SPAG16: variants seen among roughly 807,000 people sequenced by gnomAD.
SPAG16 encodes sperm-associated antigen 16 protein.
A neutral mutation model predicts 80.4 loss-of-function variants in SPAG16; 86 were observed. That is an observed-to-expected ratio of 1.07 (90% CI 0.90 to 1.28). The LOEUF (loss-of-function observed/expected upper bound fraction) is 1.28, where lower values mean the gene tolerates loss of function less well. SPAG16 is among the 50% of genes most tolerant of loss of function. The pLI, the probability that SPAG16 is intolerant of heterozygous loss-of-function variation, is 0.00. For missense variants in SPAG16, 870 were observed against 765.3 expected (o/e 1.14, Z -1.61); for synonymous variants, 294 against 265.9 (o/e 1.11, Z -1.03).
chr2:213,296,030 AT>A, intron 1 of SPAG16, 33 bp from the exon 2 acceptor site: 4 of 1,586,652 alleles, frequency 2.5e-6, no homozygotes, highest in Non-Finnish European at 3.5e-6. Flanking sequence ...TTTATTCTAT[AT>A]TTTTTGAGAT....
Position 214,085,884 on chromosome 2 carries a change from C to T in SPAG16, c.1528-22312C>T, listed in dbSNP as rs181382271. On this transcript the variant is annotated intron_variant, in intron 13 of 15. Transcript: ENST00000331683. ...ACAGCACTTTTGCGTGATATTTATA[C>T]GTGGCAGAAGCTTTTCCTCCCCTAC... Among the ~76,000 whole-genome samples, 397 of 152,302 alleles carry T rather than the reference C, an allele frequency of 2.6e-3. 2 individuals are homozygous for T. Among genetic ancestry groups the T allele is most frequent in the Non-Finnish European group, 4.0e-3 (274 of 68,026 alleles).
At chr2:214,149,075 G>GTGTGTA (rs1559084749) in intron 14 of SPAG16, 65 bp from the exon 15 acceptor site, 2 of 301,580 alleles carry the variant, frequency 6.6e-6, no homozygotes, top group Non-Finnish European at 8.8e-6. Flanking sequence ...GTGTGTGTGT[G>GTGTGTA]TGTATATATA....
At chr2:213,884,892 A>C (rs1482048181) in intron 11 of SPAG16, among the ~76,000 whole-genome samples, 5 of 152,114 alleles carry the variant, frequency 3.3e-5, no homozygotes, top group African/African-American at 9.7e-5. Context: ...TTCTTGGATC[A>C]TTTTACTGGA....
chr2:213,565,774 C>A (rs2059740190), intron 10 of SPAG16, among the ~76,000 whole-genome samples: 1 of 152,170 alleles, frequency 6.6e-6, no homozygotes, highest in Admixed American at 6.5e-5. Context: ...GGATGGAAGA[C>A]CAGTTTTGAA....
At chr2:214,182,508 T>C (rs549535947) in intron 15 of SPAG16, among the ~76,000 whole-genome samples, 153 of 152,048 alleles carry the variant, frequency 1.0e-3, no homozygotes, top group African/African-American at 3.5e-3. Flanking sequence ...TACAAGATTA[T>C]AGACATGTAC....
rs191047018 is a variant in SPAG16 at position 214,302,583 on chromosome 2, C to T, written c.1721-107557C>T. ...ACAACCTCTGCCTCCTGGGTTCAAG[C>T]GATTCTCCTGCCTCAGCCTCCTGAG... On this transcript the variant is annotated intron_variant, in intron 15 of 15. Coordinates refer to ENST00000331683, the MANE Select transcript of SPAG16 (RefSeq NM_024532.5). Among the ~76,000 whole-genome samples the T allele has an allele frequency of 2.1e-3, 313 of 152,224 alleles. 1 individual carries two copies. Among genetic ancestry groups the T allele is most frequent in the African/African-American group, 7.1e-3 (295 of 41,540 alleles).
chr2:214,298,115 C>T (rs12992734), intron 15 of SPAG16, among the ~76,000 whole-genome samples: 15 of 46,948 alleles, frequency 3.2e-4, no homozygotes, highest in African/African-American at 3.8e-4. Context: ...TATATATATA[C>T]ACACACACAC....
chr2:214,234,338 G>T (rs775572775), intron 15 of SPAG16, among the ~76,000 whole-genome samples: 1 of 152,094 alleles, frequency 6.6e-6, no homozygotes, highest in Non-Finnish European at 1.5e-5. Flanking sequence ...GAATAGTGCT[G>T]CAATGAACAT....
intron 5 of SPAG16, among the ~76,000 whole-genome samples, chr2:213,324,482 T>TCA (rs2063760821): frequency 1.3e-5 from 2 of 152,268 alleles, no homozygotes; most frequent in South Asian, 4.1e-4. Flanking sequence ...AGATTAGTTT[T>TCA]GTTTGAGAAT....
chr2:213,858,394 C>G (rs573006248), intron 10 of SPAG16, among the ~76,000 whole-genome samples: 6 of 152,270 alleles, frequency 3.9e-5, no homozygotes, highest in Non-Finnish European at 8.8e-5. Context: ...GACCCTCCAC[C>G]AGCAGAAAGA....
intron 15 of SPAG16, among the ~76,000 whole-genome samples, chr2:214,231,509 T>G (rs572375364): frequency 6.6e-6 from 1 of 152,158 alleles, no homozygotes; most frequent in South Asian, 2.1e-4. Context: ...ACGATACTCA[T>G]GCATATAAGA....
intron 15 of SPAG16, among the ~76,000 whole-genome samples, chr2:214,177,177 A>G (rs1226848933): frequency 6.6e-6 from 1 of 151,140 alleles, no homozygotes; most frequent in Non-Finnish European, 1.5e-5. Context: ...TTATTGTCCT[A>G]TTAGACACCT....
At chr2:214,116,588 C>T (rs1390519815) in intron 14 of SPAG16, among the ~76,000 whole-genome samples, 1 of 152,240 alleles carries the variant, frequency 6.6e-6, no homozygotes, top group East Asian at 1.9e-4. Context: ...GGAAGCACAC[C>T]TGTATGGACA....
At chr2:213,297,134 G>A (rs1412096887) in intron 2 of SPAG16, 128 bp from the exon 3 acceptor site, 1 of 1,473,142 alleles carries the variant, frequency 6.8e-7, no homozygotes, top group African/African-American at 1.4e-5. Context: ...TCTTCAGAAT[G>A]ACATGGTATT....
intron 15 of SPAG16, chr2:214,250,246 T>G (rs1690153103): frequency 6.6e-6 from 1 of 152,134 alleles, no homozygotes; most frequent in African/African-American, 2.4e-5. Flanking sequence ...TGACAGTTAT[T>G]TATCATTTCA....
intron 9 of SPAG16, among the ~76,000 whole-genome samples, chr2:213,378,782 C>T (rs1418496497): frequency 6.6e-6 from 1 of 152,104 alleles, no homozygotes; most frequent in African/African-American, 2.4e-5. Context: ...GTGGAGTGAC[C>T]CAAACCTTCA....
intron 14 of SPAG16, among the ~76,000 whole-genome samples, chr2:214,143,558 C>T (rs1404913761): frequency 6.6e-6 from 1 of 151,976 alleles, no homozygotes; most frequent in Non-Finnish European, 1.5e-5. Flanking sequence ...GATTTTGTGT[C>T]TTATGATCAC....
At chr2:214,279,635 A>G in intron 15 of SPAG16, among the ~76,000 whole-genome samples, 1 of 152,140 alleles carries the variant, frequency 6.6e-6, no homozygotes, top group East Asian at 1.9e-4. Context: ...TGCATAAGGT[A>G]CTCCTCAAGT....
chr2:213,646,128 G>A (rs1418691696), intron 10 of SPAG16, among the ~76,000 whole-genome samples: 1 of 152,172 alleles, frequency 6.6e-6, no homozygotes, highest in Admixed American at 6.5e-5. Context: ...CCCAGGTCAG[G>A]GAGGGGTGGC....
Sources: gnomAD v4.1 joint callset for allele counts (sites outside exome capture counted in the v4.1 genomes callset) on GRCh38, gnomAD v4.1.1 for gene constraint, MANE v1.5 for transcripts, NCBI Gene and HGNC (gene_info 2026-07-23, HGNC 2026-07-21) for gene names.